M6PR: variants seen among roughly 807,000 people sequenced by gnomAD.
The protein encoded by M6PR is mannose-6-phosphate receptor, cation dependent.
A neutral mutation model predicts 33.1 loss-of-function variants in M6PR; 19 were observed. The ratio of observed to expected loss-of-function variants is 0.57; its 90% confidence interval spans 0.40 to 0.84. M6PR has a LOEUF of 0.84. Ranked by LOEUF, M6PR falls within the 40% of genes least tolerant of loss-of-function variation. M6PR has a pLI of 0.00. For missense variants in M6PR, 295 were observed against 336.0 expected (o/e 0.88, Z 0.95); for synonymous variants, 111 against 123.4 (o/e 0.90, Z 0.67).
At chr12:8,942,746 C>G (rs1310308193) in intron 5 of M6PR, among the ~76,000 whole-genome samples, 1 of 152,068 alleles carries the variant, frequency 6.6e-6, no homozygotes, top group Non-Finnish European at 1.5e-5. Flanking sequence ...AGCAAAGGCC[C>G]AGACAAAATG....
chr12:8,943,494 T>C lies in M6PR; in HGVS notation c.495A>G (p.Gln165=). The C allele has an allele frequency of 6.2e-7, 1 of 1,614,182 alleles. No homozygotes were observed. Among genetic ancestry groups the C allele is most frequent in the Non-Finnish European group, 8.5e-7 (1 of 1,180,022 alleles). The change falls in exon 5 of 7, where the codon CAA becomes CAG. Residue 165 remains glutamine, a synonymous_variant. Coordinates refer to ENST00000000412, the MANE Select transcript of M6PR (RefSeq NM_002355.4). ...NPVSEERGKV[Q]DCFYLFEMDS... The stretch of plus-strand genomic sequence containing the variant: ...CCATCTCAAAGAGGTAGAAACAATC[T>C]TGGACTTTGCCACGCTCCTCAGACA...
chr12:8,943,313 C>T, intron 5 of M6PR, 92 bp downstream of exon 5: 1 of 1,424,432 alleles, frequency 7.0e-7, no homozygotes, highest in Non-Finnish European at 9.8e-7. Flanking sequence ...ATAATGTACA[C>T]ATACAATTTG....
intron 4 of M6PR, 100 bp downstream of exon 4, chr12:8,943,701 G>A (rs1360044290): frequency 1.5e-6 from 2 of 1,330,514 alleles, no homozygotes; most frequent in African/African-American, 2.9e-5. Flanking sequence ...GTTTTCTAAT[G>A]TCCATCCCAA....
At chr12:8,946,155 G>A (rs773366355) in intron 2 of M6PR, 74 bp downstream of exon 2, 228 of 1,439,594 alleles carry the variant, frequency 1.6e-4, no homozygotes, top group Non-Finnish European at 1.0e-4. Flanking sequence ...AGCACATTAT[G>A]AAATAAAATC....
In M6PR at chr12:8,940,624, A is replaced by C. The variant is rs1298565047; in HGVS notation, c.*1194T>G. The C allele has an allele frequency of 1.3e-5, 1 of 75,236 alleles. No homozygotes were observed. Among genetic ancestry groups the C allele is most frequent in the East Asian group, 3.9e-4 (1 of 2,548 alleles). 4.7% of individuals were successfully genotyped at this position (75,236 alleles called of 1,614,324 possible). A position where few individuals can be genotyped will look rare whatever the true frequency, so the allele number is the denominator to read the frequency against. On this transcript the variant is annotated 3_prime_UTR_variant, in exon 7 of 7. Coordinates refer to ENST00000000412, the MANE Select transcript of M6PR (RefSeq NM_002355.4). ...TTGATTCCATCCCTCTTTTGTGTCC[A>C]GTGGAGCCATGTTACTCTTCAGTGG...
intron 3 of M6PR, 117 bp downstream of exon 3, chr12:8,945,301 C>T (rs764018468): frequency 6.6e-6 from 7 of 1,063,388 alleles, no homozygotes; most frequent in South Asian, 1.5e-5. Flanking sequence ...TCAGGTGTGC[C>T]GAACCACACG....
intron 1 of M6PR, chr12:8,946,798 T>C (rs1946100935): frequency 6.3e-6 from 1 of 159,290 alleles, no homozygotes; most frequent in Non-Finnish European, 1.4e-5. Flanking sequence ...GTTTCTAGAC[T>C]TCCCATAAGT....
At chr12:8,943,142 G>C (rs1052608399) in intron 5 of M6PR, among the ~76,000 whole-genome samples, 9 of 152,100 alleles carry the variant, frequency 5.9e-5, no homozygotes, top group Non-Finnish European at 1.2e-4. Context: ...AGTAGAGACG[G>C]AGTTTCATCA....
rs769178316 is a variant in M6PR at position 8,946,366 on chromosome 12, T to C, written c.39A>G (p.Leu13=). The C allele has an allele frequency of 1.2e-6, 2 of 1,614,012 alleles. No homozygotes were observed. Among genetic ancestry groups the C allele is most frequent in the African/African-American group, 1.3e-5 (1 of 75,050 alleles). Residue 13 remains leucine, a synonymous_variant, in exon 2 of 7, where the codon CTA becomes CTG. Transcript: ENST00000000412. Reference sequence around the variant, plus strand: ...TCACTGCCACAGCCAGGAGTAGTAGTAGCAGTCCAGTCCTCCAGCAGCTGT... The same window carrying C: ...TCACTGCCACAGCCAGGAGTAGTAGCAGCAGTCCAGTCCTCCAGCAGCTGT... ...PFYSCWRTGL[L]LLLLAVAVRE...
intron 5 of M6PR, 103 bp from the exon 6 acceptor site, chr12:8,942,645 C>A (rs886608943): frequency 1.6e-5 from 20 of 1,271,290 alleles, no homozygotes; most frequent in Non-Finnish European, 2.2e-5. Flanking sequence ...AAGATACATT[C>A]CCTGAAAAGG....
chr12:8,944,524 C>T (rs1449899485), intron 3 of M6PR, among the ~76,000 whole-genome samples: 2 of 152,178 alleles, frequency 1.3e-5, no homozygotes, highest in African/African-American at 4.8e-5. Context: ...TGATCCCCAG[C>T]CCCAAACCCT....
In M6PR at chr12:8,943,465, C is replaced by G. The variant is rs1237465343; in HGVS notation, c.524G>C (p.Ser175Thr). 6.2e-7 allele frequency: 1 copy of G among 1,614,060 alleles called. No homozygotes were observed. The highest frequency in any genetic ancestry group is 1.3e-5 in the African/African-American group (1 of 74,924). Reference sequence around the variant, plus strand: ...GATCTCTGGTGAACAGGCCAGGCTGCTATCCATCTCAAAGAGGTAGAAACA... The same window carrying G: ...GATCTCTGGTGAACAGGCCAGGCTGGTATCCATCTCAAAGAGGTAGAAACA... ...QDCFYLFEMD[S>T]SLACSPEISH... The change falls in exon 5 of 7, where the codon AGC becomes ACC. Residue 175 changes from serine (S) to threonine (T), a missense_variant. Ser to Thr is a moderately conservative substitution (Grantham distance 58). Coordinates refer to ENST00000000412, the MANE Select transcript of M6PR (RefSeq NM_002355.4).
At chr12:8,942,312 A>G (rs773877021) in intron 6 of M6PR, 104 bp downstream of exon 6, 6 of 1,523,808 alleles carry the variant, frequency 3.9e-6, no homozygotes, top group South Asian at 2.3e-5. Flanking sequence ...TTAGCACTCA[A>G]TGTCCTGTGT....
At chr12:8,942,595 C>CA (rs2137160772) in intron 5 of M6PR, 53 bp from the exon 6 acceptor site, 1 of 1,584,020 alleles carries the variant, frequency 6.3e-7, no homozygotes, top group Admixed American at 1.7e-5. Context: ...AGTAAAAACT[C>CA]AGATAGGATA....
chr12:8,941,765 G>T lies in M6PR; in HGVS notation c.*53C>A, dbSNP rs1202313477. The T allele has an allele frequency of 3.1e-6, 5 of 1,607,222 alleles. No homozygotes were observed. Among genetic ancestry groups the T allele is most frequent in the Admixed American group, 3.3e-5 (2 of 59,900 alleles). ...TTGAGACTGCTTGAGAAATCTGGCT[G>T]TGTAGCTTTGGTTTGGGGGACTGAG... On this transcript the variant is annotated 3_prime_UTR_variant, in exon 7 of 7. Transcript: ENST00000000412.
chr12:8,942,655 GA>G, intron 5 of M6PR, 113 bp from the exon 6 acceptor site: 1 of 1,158,430 alleles, frequency 8.6e-7, no homozygotes, highest in South Asian at 1.6e-5. Flanking sequence ...CCCTGAAAAG[GA>G]AAAATGAGTA....
chr12:8,942,586 G>C (rs369193605), intron 5 of M6PR, 44 bp from the exon 6 acceptor site: 3 of 1,598,784 alleles, frequency 1.9e-6, no homozygotes, highest in African/African-American at 2.7e-5. Context: ...CTGGGAAATA[G>C]TAAAAACTCA....
chr12:8,941,705 A>G lies in M6PR; in HGVS notation c.*113T>C. The G allele has an allele frequency of 7.5e-7, 1 of 1,341,810 alleles. No homozygotes were observed. Among genetic ancestry groups the G allele is most frequent in the East Asian group, 2.3e-5 (1 of 42,980 alleles). 83.1% of individuals were successfully genotyped at this position (1,341,810 alleles called of 1,614,324 possible). A position where few individuals can be genotyped will look rare whatever the true frequency, so the allele number is the denominator to read the frequency against. On this transcript the variant is annotated 3_prime_UTR_variant, in exon 7 of 7. Coordinates refer to ENST00000000412, the MANE Select transcript of M6PR (RefSeq NM_002355.4). Reference sequence around the variant, plus strand: ...GCAAATCAAAAGCAAACTGGAAAGCAAGAGCAATAGTAAGGGTGAGATGAG... The same window carrying G: ...GCAAATCAAAAGCAAACTGGAAAGCGAGAGCAATAGTAAGGGTGAGATGAG...
At chr12:8,943,580 G>T in intron 4 of M6PR, 45 bp from the exon 5 acceptor site, 1 of 1,612,334 alleles carries the variant, frequency 6.2e-7, no homozygotes, top group South Asian at 1.1e-5. Flanking sequence ...TAAGTGTTTT[G>T]ACTCCTGTCC....
Sources: allele counts gnomAD v4.1 joint callset (sites outside exome capture counted in the v4.1 genomes callset), GRCh38; gene constraint gnomAD v4.1.1; transcripts MANE v1.5; gene names NCBI Gene and HGNC (gene_info 2026-07-23, HGNC 2026-07-21).